CMIP: variants seen among roughly 807,000 people sequenced by gnomAD.
The protein encoded by CMIP is C-Maf-inducing protein.
A neutral mutation model predicts 97.3 loss-of-function variants in CMIP; 13 were observed. The observed-to-expected ratio is 0.13, with a 90% confidence interval of 0.09 to 0.21. The LOEUF is 0.21. Among genes scored for constraint, CMIP ranks in the 10% least tolerant of loss-of-function variants. The probability of loss-of-function intolerance (pLI) is 1.00; values close to 1 mark genes in which losing one functional copy is unlikely to be tolerated. For synonymous variants in CMIP, 538 were observed against 436.3 expected (o/e 1.23, Z -2.91); for missense variants, 847 against 1,024.9 (o/e 0.83, Z 2.37).
chr16:81,515,995 T>G (rs755850113), intron 1 of CMIP, among the ~76,000 whole-genome samples: 19 of 152,318 alleles, frequency 1.2e-4, no homozygotes, highest in Non-Finnish European at 2.8e-4. Context: ...CCCCTGGGCC[T>G]CAGTCCTGCC....
intron 3 of CMIP, among the ~76,000 whole-genome samples, chr16:81,640,524 C>T (rs1219262025): frequency 6.6e-6 from 1 of 152,208 alleles, no homozygotes; most frequent in Non-Finnish European, 1.5e-5. Context: ...TGACAAATTT[C>T]CGTAAACTGT....
At chr16:81,657,691 CTG>C (rs2092499894) in intron 4 of CMIP, 82 bp from the exon 5 acceptor site, 7 of 1,165,330 alleles carry the variant, frequency 6.0e-6, no homozygotes, top group Non-Finnish European at 8.6e-6. Flanking sequence ...TGTTTCAAAA[CTG>C]TGGATCTTGA....
chr16:81,467,406 C>T (rs777445899), intron 1 of CMIP, among the ~76,000 whole-genome samples: 5 of 152,108 alleles, frequency 3.3e-5, no homozygotes, highest in Non-Finnish European at 1.5e-5. Context: ...TGTGAGGCTC[C>T]CCTCAGTTTC....
At position 81,481,714 on chromosome 16, in the gene CMIP, C is replaced by T. The variant is rs79501848; in HGVS notation, c.300+36173C>T. On this transcript the variant is annotated intron_variant, in intron 1 of 20. Transcript: ENST00000537098. ...GAGGTCAGAAGTCCACAGTGAGTCT[C>T]GTAGGGGCTAAAGTTGAGGTGTTGT... Among the ~76,000 whole-genome samples, 322 of 152,154 alleles carry T rather than the reference C, an allele frequency of 2.1e-3. 4 individuals carry two copies. The East Asian group carries it at 0.033, about 16-fold the overall frequency.
intron 1 of CMIP, 99 bp downstream of exon 1, chr16:81,445,640 G>T (rs1480982836): frequency 3.2e-6 from 4 of 1,264,048 alleles, no homozygotes; most frequent in Non-Finnish European, 4.3e-6. Flanking sequence ...CCCAGGGCCT[G>T]GGGGGCGGTG....
At chr16:81,459,991 C>T (rs756102047) in intron 1 of CMIP, among the ~76,000 whole-genome samples, 1 of 152,222 alleles carries the variant, frequency 6.6e-6, no homozygotes, top group African/African-American at 2.4e-5. Flanking sequence ...CCAGTGTCCC[C>T]TCCAGTGGGG....
chr16:81,589,459 G>A (rs537671644), intron 1 of CMIP, among the ~76,000 whole-genome samples: 1 of 151,450 alleles, frequency 6.6e-6, no homozygotes, highest in African/African-American at 2.4e-5. Context: ...TAGAAGCACA[G>A]TAGAAACATA....
At chr16:81,569,062 C>G (rs1034170351) in intron 1 of CMIP, among the ~76,000 whole-genome samples, 1 of 152,178 alleles carries the variant, frequency 6.6e-6, no homozygotes, top group African/African-American at 2.4e-5. Context: ...TAAATAAGAT[C>G]GTACATTTTA....
Position 81,616,179 on chromosome 16 carries a change from A to T in CMIP, c.427-4697A>T, listed in dbSNP as rs2091915702. On this transcript the variant is annotated intron_variant, in intron 2 of 20. Coordinates refer to ENST00000537098, the MANE Select transcript of CMIP (RefSeq NM_198390.3). The surrounding 1 kb of genome is among the most constrained non-coding windows in gnomAD (Gnocchi z 4.7). Reference sequence around the variant, plus strand: ...TTTTTTTTTTTTTTTTTTTAACACCAGGCTCACTGGAGCAGTCGCAGTTAA... The same window carrying T: ...TTTTTTTTTTTTTTTTTTTAACACCTGGCTCACTGGAGCAGTCGCAGTTAA... Among the ~76,000 whole-genome samples the T allele has an allele frequency of 6.9e-6, 1 of 145,700 alleles. No homozygotes were observed. The highest frequency in any genetic ancestry group is 2.2e-4 in the South Asian group (1 of 4,636).
At chr16:81,688,421 G>A (rs1158340390) in intron 10 of CMIP, among the ~76,000 whole-genome samples, 1 of 152,214 alleles carries the variant, frequency 6.6e-6, no homozygotes, top group Non-Finnish European at 1.5e-5. Flanking sequence ...CCAAGGCTCT[G>A]CTGTCACAGA....
chr16:81,643,582 G>A (rs1180972562), intron 3 of CMIP, among the ~76,000 whole-genome samples: 5 of 152,156 alleles, frequency 3.3e-5, no homozygotes, highest in African/African-American at 1.2e-4. Context: ...CTGAGGTCAG[G>A]AGTTCGAGAC....
At chr16:81,610,484 A>C (rs1041435657) in intron 2 of CMIP, 19 of 985,584 alleles carry the variant, frequency 1.9e-5, no homozygotes, top group African/African-American at 3.5e-5. Flanking sequence ...CCGGACTCCG[A>C]GCTAATGAGG....
At chr16:81,546,449 C>T (rs1005152563) in intron 1 of CMIP, among the ~76,000 whole-genome samples, 1 of 152,144 alleles carries the variant, frequency 6.6e-6, no homozygotes, top group Non-Finnish European at 1.5e-5. Flanking sequence ...CTTTTCATGA[C>T]AGTTTTCCTG....
chr16:81,454,946 C>T (rs1233077534), intron 1 of CMIP, among the ~76,000 whole-genome samples: 5 of 152,152 alleles, frequency 3.3e-5, no homozygotes, highest in South Asian at 2.1e-4. Flanking sequence ...AGCAAAGGGA[C>T]AGGCCAGAGC....
rs1189760536 is a variant in CMIP at position 81,703,957 on chromosome 16, T to C, written c.1963T>C (p.Leu655=). 1 of 1,596,300 alleles carries C rather than the reference T, an allele frequency of 6.3e-7. No homozygotes were observed. Among genetic ancestry groups the C allele is most frequent in the Non-Finnish European group, 8.5e-7 (1 of 1,173,154 alleles). ...CCCGCAGGACGCTGACTTGGCTCGTTTGCTGAGCTCCGGCTCCTTCGGAAA... is the reference window on the plus strand; with the variant it reads ...CCCGCAGGACGCTGACTTGGCTCGTCTGCTGAGCTCCGGCTCCTTCGGAAA... ...SKSTDADLAR[L]LSSGSFGNLE... is the part of the protein sequence containing the mutation. Residue 655 remains leucine (L), a synonymous_variant, in exon 18 of 21, where the codon TTG becomes CTG. Coordinates refer to ENST00000537098, the MANE Select transcript of CMIP (RefSeq NM_198390.3).
At chr16:81,628,213 C>T (rs549956837) in intron 3 of CMIP, among the ~76,000 whole-genome samples, 43 of 152,250 alleles carry the variant, frequency 2.8e-4, no homozygotes, top group African/African-American at 9.4e-4. Flanking sequence ...TCCCCTGGGT[C>T]GCCTCCTGGT....
intron 1 of CMIP, among the ~76,000 whole-genome samples, chr16:81,549,217 G>GAGC (rs2090607072): frequency 6.6e-6 from 1 of 152,210 alleles, no homozygotes; most frequent in Non-Finnish European, 1.5e-5. Context: ...CAACCTGCAG[G>GAGC]AGCACCTGGG....
intron 1 of CMIP, chr16:81,518,925 C>T (rs1405428477): frequency 6.6e-6 from 1 of 151,810 alleles, no homozygotes; most frequent in Non-Finnish European, 1.5e-5. Flanking sequence ...CAACCTCCGC[C>T]TCCCAGGTTC....
rs1296540529 is a variant in CMIP, at chr16:81,614,778, T to C, written c.427-6098T>C. Among the ~76,000 whole-genome samples, 2 of 151,320 alleles carry C rather than the reference T, an allele frequency of 1.3e-5. No individual in the cohort carries two copies. Among genetic ancestry groups the C allele is most frequent in the Admixed American group, 1.3e-4 (2 of 15,194 alleles). On this transcript the variant is annotated intron_variant, in intron 2 of 20. Transcript: ENST00000537098. The surrounding 1 kb of genome is among the most constrained non-coding windows in gnomAD (Gnocchi z 5.3). ...GTCTATGTCTGTGGTGTGTGTGGTA[T>C]GTGTGCATGTGTGTGCCTGATATGT...
Sources: gnomAD v4.1 joint callset for allele counts (sites outside exome capture counted in the v4.1 genomes callset) on GRCh38, gnomAD v4.1.1 for gene constraint, Gnocchi (gnomAD v3.1) non-coding constraint, MANE v1.5 for transcripts, NCBI Gene and HGNC (gene_info 2026-07-23, HGNC 2026-07-21) for gene names.